PTPRK: variants seen among roughly 807,000 people sequenced by gnomAD.
PTPRK encodes receptor-type tyrosine-protein phosphatase kappa.
PTPRK carries 75 observed loss-of-function variants against 178.0 expected under a neutral mutation model. That is an observed-to-expected ratio of 0.42 (90% CI 0.35 to 0.51). PTPRK has a LOEUF of 0.51. PTPRK is among the 20% of genes least tolerant of loss of function. PTPRK has a pLI of 0.02. For synonymous variants in PTPRK, 637 were observed against 620.6 expected (o/e 1.03, Z -0.39); for missense variants, 1,441 against 1,797.8 (o/e 0.80, Z 3.59).
chr6:128,277,472 G>C (rs771018897), intron 3 of PTPRK, among the ~76,000 whole-genome samples: 12 of 152,154 alleles, frequency 7.9e-5, no homozygotes, highest in Non-Finnish European at 1.8e-4. Flanking sequence ...AAAGAGAAGA[G>C]AGGTCAGAAA....
At chr6:128,096,962 G>A (rs569960073) in intron 7 of PTPRK, among the ~76,000 whole-genome samples, 33 of 152,280 alleles carry the variant, frequency 2.2e-4, no homozygotes, top group African/African-American at 7.2e-4. Context: ...CTTACCTTTA[G>A]GTGCTTTGTA....
intron 13 of PTPRK, among the ~76,000 whole-genome samples, chr6:128,055,813 G>C (rs970275311): frequency 6.6e-6 from 1 of 151,916 alleles, no homozygotes; most frequent in African/African-American, 2.4e-5. Context: ...TGTTGCACAG[G>C]TTGATCTCAA....
chr6:128,419,611 CAAAAA>C (rs55706420), intron 1 of PTPRK, among the ~76,000 whole-genome samples: 2 of 93,276 alleles, frequency 2.1e-5, no homozygotes, highest in East Asian at 6.0e-4. Flanking sequence ...GACTCCGTCT[CAAAAA>C]AAAAAAAAGA....
chr6:128,101,947 A>G (rs1227505902), intron 7 of PTPRK, among the ~76,000 whole-genome samples: 2 of 152,202 alleles, frequency 1.3e-5, no homozygotes, highest in African/African-American at 2.4e-5. Context: ...CTGACAAAGT[A>G]ACAATGTGAT....
chr6:128,104,107 T>C (rs552673291), intron 7 of PTPRK, among the ~76,000 whole-genome samples: 8 of 152,388 alleles, frequency 5.2e-5, no homozygotes, highest in Admixed American at 2.6e-4. Flanking sequence ...TAAGGCTTTA[T>C]TCAAATGTCA....
chr6:128,158,114 T>C (rs1798192640), intron 7 of PTPRK, among the ~76,000 whole-genome samples: 1 of 151,932 alleles, frequency 6.6e-6, no homozygotes, highest in South Asian at 2.1e-4. Flanking sequence ...AATTTTTGTA[T>C]AAGGTGTAAG....
Position 128,240,131 on chromosome 6 carries a change from G to T in PTPRK, c.597C>A (p.Leu199=). 1 of 1,612,322 alleles carries T rather than the reference G, an allele frequency of 6.2e-7. No homozygotes were observed. Residue 199 remains leucine (L), a synonymous_variant, in exon 5 of 30, where the codon CTC becomes CTA. Transcript: ENST00000368226. ...CATTCACCTCTACATCCCCTAGACG[G>T]AGGAAATGAGGAGATTTATCTGTGA... The part of the protein sequence containing the change: ...SYPCDKSPHF[L]RLGDVEVNAG...
At chr6:128,506,781 T>C (rs1210454682) in intron 1 of PTPRK, among the ~76,000 whole-genome samples, 1 of 152,102 alleles carries the variant, frequency 6.6e-6, no homozygotes, top group Non-Finnish European at 1.5e-5. Flanking sequence ...ATGCTTGTGG[T>C]CTTTGTTAAT....
intron 1 of PTPRK, among the ~76,000 whole-genome samples, chr6:128,446,122 T>C (rs1846990989): frequency 6.6e-6 from 1 of 152,170 alleles, no homozygotes; most frequent in South Asian, 2.1e-4. Context: ...CACTTCTCAC[T>C]AATGTTCTCA....
At chr6:128,290,212 A>G (rs1273307200) in intron 3 of PTPRK, among the ~76,000 whole-genome samples, 1 of 152,020 alleles carries the variant, frequency 6.6e-6, no homozygotes, top group Non-Finnish European at 1.5e-5. Context: ...TTGAGGGTAG[A>G]TTTGCATTCT....
At chr6:128,284,689 A>G (rs1822190999) in intron 3 of PTPRK, among the ~76,000 whole-genome samples, 1 of 152,338 alleles carries the variant, frequency 6.6e-6, no homozygotes, top group Admixed American at 6.5e-5. Context: ...TTTAAAGTAC[A>G]TGATGTTTTA....
intron 2 of PTPRK, among the ~76,000 whole-genome samples, chr6:128,345,033 ATTTTT>A (rs66515832): frequency 3.7e-4 from 54 of 144,810 alleles, no homozygotes; most frequent in East Asian, 6.1e-4. Flanking sequence ...AAGCCAGGTG[ATTTTT>A]TTTTTTTTTT....
intron 27 of PTPRK, among the ~76,000 whole-genome samples, chr6:127,974,061 T>C (rs892267701): frequency 7.2e-5 from 11 of 152,208 alleles, no homozygotes; most frequent in East Asian, 1.9e-4. Context: ...AGTAATTCAT[T>C]ACTACGATTA....
chr6:128,309,901 C>A (rs1826982253), intron 3 of PTPRK, among the ~76,000 whole-genome samples: 1 of 151,982 alleles, frequency 6.6e-6, no homozygotes. Context: ...TCTCCCTTAT[C>A]CACTGTCTTT....
intron 1 of PTPRK, among the ~76,000 whole-genome samples, chr6:128,442,180 C>T (rs1437575072): frequency 6.6e-6 from 1 of 152,170 alleles, no homozygotes; most frequent in Admixed American, 6.5e-5. Flanking sequence ...AAAGATAGTT[C>T]TGGAATGGAG....
At chr6:128,453,643 C>T (rs1314158081) in intron 1 of PTPRK, among the ~76,000 whole-genome samples, 1 of 152,148 alleles carries the variant, frequency 6.6e-6, no homozygotes, top group African/African-American at 2.4e-5. Context: ...AATCCATATG[C>T]TCTGATAAAG....
chr6:128,382,575 T>G (rs529026061), intron 2 of PTPRK, among the ~76,000 whole-genome samples: 2 of 151,602 alleles, frequency 1.3e-5, no homozygotes, highest in Non-Finnish European at 2.9e-5. Context: ...GCCTGGCTAA[T>G]TTTTTGTTTG....
chr6:128,078,869 A>G lies in PTPRK; in HGVS notation c.1827T>C (p.Thr609=), dbSNP rs1314473183. 12 of 1,612,438 alleles carry G rather than the reference A, an allele frequency of 7.4e-6. No homozygotes were observed. Among genetic ancestry groups the G allele is most frequent in the Non-Finnish European group, 1.0e-5 (12 of 1,178,842 alleles). The change falls in exon 11 of 30, where the codon ACT becomes ACC. Residue 609 remains threonine (T), a synonymous_variant. Transcript: ENST00000368226. ...TCAACAATACAGTTATTGTGGTGGC[A>G]GTTTCATTGAGAGAGGCATCAACTC... The part of the protein sequence containing the change: ...YEGVDASLNE[T]ATTITVLLRP...
At chr6:128,150,686 G>A (rs968545073) in intron 7 of PTPRK, among the ~76,000 whole-genome samples, 5 of 152,002 alleles carry the variant, frequency 3.3e-5, no homozygotes, top group Non-Finnish European at 5.9e-5. Context: ...CCTGGATATC[G>A]CATTTTCCTT....
Sources: allele counts gnomAD v4.1 joint callset (sites outside exome capture counted in the v4.1 genomes callset), GRCh38; gene constraint gnomAD v4.1.1; transcripts MANE v1.5; gene names NCBI Gene and HGNC (gene_info 2026-07-23, HGNC 2026-07-21).